Variants in AGTR1 observed in about 807,000 individuals in gnomAD.
AGTR1 encodes type-1 angiotensin II receptor.
In AGTR1, 16 loss-of-function variants were observed where a neutral mutation model predicts 19.4. The ratio of observed to expected loss-of-function variants is 0.82; its 90% CI spans 0.56 to 1.25. The LOEUF (loss-of-function observed/expected upper bound fraction) is 1.25. AGTR1 is among the 50% of genes most tolerant of loss of function. The pLI is 0.00. For missense variants in AGTR1, 373 were observed against 431.9 expected, an observed-to-expected ratio of 0.86 and a Z score of 1.21; for synonymous variants, 153 against 154.9, an observed-to-expected ratio of 0.99 and a Z score of 0.09.
intron 2 of AGTR1, among the ~76,000 whole-genome samples, chr3:148,734,523 G>A (rs995858213): frequency 3.4e-4 from 52 of 152,316 alleles, no homozygotes; most frequent in African/African-American, 1.1e-3. Context: ...ATATATCAGA[G>A]AGCCATTTAT....
At chr3:148,721,299 T>C (rs1223434336) in intron 2 of AGTR1, among the ~76,000 whole-genome samples, 2 of 152,170 alleles carry the variant, frequency 1.3e-5, no homozygotes, top group Admixed American at 6.5e-5. Context: ...CCTATATGAC[T>C]CCATCGATTA....
At chr3:148,736,435 T>C (rs1488707700) in intron 2 of AGTR1, among the ~76,000 whole-genome samples, 1 of 152,242 alleles carries the variant, frequency 6.6e-6, no homozygotes, top group African/African-American at 2.4e-5. Flanking sequence ...TAAACATTTT[T>C]CTTTACTCTC....
intron 1 of AGTR1, among the ~76,000 whole-genome samples, chr3:148,703,812 G>C (rs572913563): frequency 1.4e-5 from 2 of 138,302 alleles, no homozygotes; most frequent in African/African-American, 3.0e-5. Flanking sequence ...ATCAAAATCT[G>C]TTTCCCTCAT....
intron 2 of AGTR1, chr3:148,740,023 C>A (rs1309334475): frequency 1.7e-6 from 2 of 1,186,024 alleles, no homozygotes; most frequent in African/African-American, 3.2e-5. Flanking sequence ...TTATCCAGGG[C>A]AGAATGTGTT....
intron 2 of AGTR1, among the ~76,000 whole-genome samples, chr3:148,717,865 C>T (rs558275733): frequency 2.0e-5 from 3 of 152,314 alleles, no homozygotes; most frequent in Admixed American, 6.5e-5. Context: ...CAGTGTAAGA[C>T]ATTACTAAAA....
At chr3:148,708,616 GA>G (rs1204689725) in intron 2 of AGTR1, among the ~76,000 whole-genome samples, 1 of 152,310 alleles carries the variant, frequency 6.6e-6, no homozygotes, top group South Asian at 2.1e-4. Context: ...TTACAGGCAT[GA>G]GTCACATGGC....
intron 2 of AGTR1, among the ~76,000 whole-genome samples, chr3:148,726,613 T>C (rs551860396): frequency 6.6e-6 from 1 of 152,366 alleles, no homozygotes; most frequent in East Asian, 1.9e-4. Context: ...CATGATATCT[T>C]TTCACTCTTA....
intron 2 of AGTR1, among the ~76,000 whole-genome samples, chr3:148,714,995 C>A (rs941670106): frequency 2.0e-5 from 3 of 152,220 alleles, no homozygotes; most frequent in African/African-American, 4.8e-5. Context: ...CCACTGAGTG[C>A]AAAATGTCAT....
rs1397758938 is a variant in AGTR1 at position 148,741,390 on chromosome 3, C to T, written c.355C>T (p.Leu119Phe). The T allele has an allele frequency of 5.0e-6, 8 of 1,603,070 alleles. No individual in the cohort carries two copies. The highest frequency in any genetic ancestry group is 2.2e-5 in the East Asian group (1 of 44,808). ...SFNLYASVFL[L>F]TCLSIDRYLA... ...CAACCTGTACGCTAGTGTGTTTCTACTCACGTGTCTCAGCATTGATCGATA... is the reference window on the plus strand; with the variant it reads ...CAACCTGTACGCTAGTGTGTTTCTATTCACGTGTCTCAGCATTGATCGATA... Residue 119 changes from leucine to phenylalanine, a missense_variant, in exon 3 of 3, where the codon CTC becomes TTC. Leu to Phe is a conservative substitution (Grantham distance 22). Coordinates refer to ENST00000349243, the MANE Select transcript of AGTR1 (RefSeq NM_000685.5).
intron 2 of AGTR1, among the ~76,000 whole-genome samples, chr3:148,734,774 A>G (rs1714479286): frequency 6.6e-6 from 1 of 152,176 alleles, no homozygotes; most frequent in Admixed American, 6.5e-5. Context: ...GTGGTCTGCC[A>G]TGCTTCCCTC....
At chr3:148,698,569 C>A (rs1576519958) in intron 1 of AGTR1, among the ~76,000 whole-genome samples, 1 of 152,118 alleles carries the variant, frequency 6.6e-6, no homozygotes, top group Non-Finnish European at 1.5e-5. Flanking sequence ...GTGTCTCCAT[C>A]CACGCCCTCT....
At chr3:148,717,019 A>G (rs1713341984) in intron 2 of AGTR1, among the ~76,000 whole-genome samples, 1 of 152,116 alleles carries the variant, frequency 6.6e-6, no homozygotes, top group East Asian at 1.9e-4. Context: ...CATCTTTGAG[A>G]CTCTCCCAAG....
chr3:148,707,637 A>C (rs1299750637), intron 1 of AGTR1, among the ~76,000 whole-genome samples: 1 of 151,934 alleles, frequency 6.6e-6, no homozygotes, highest in Non-Finnish European at 1.5e-5. Flanking sequence ...TGTCTATAGA[A>C]AGAAATGGCT....
intron 1 of AGTR1, among the ~76,000 whole-genome samples, chr3:148,699,032 CCTGGGCCTCTT>C (rs1246324430): frequency 2.6e-5 from 4 of 152,112 alleles, no homozygotes; most frequent in Middle Eastern, 3.4e-3. Flanking sequence ...ATTGAGCCCA[CCTGGGCCTCTT>C]CTCTTTGTTT....
intron 2 of AGTR1, among the ~76,000 whole-genome samples, chr3:148,714,080 C>A (rs1033689880): frequency 1.3e-5 from 2 of 152,102 alleles, no homozygotes. Flanking sequence ...ATATTAAACA[C>A]TAGGTATTCC....
chr3:148,734,350 T>A (rs1176125814), intron 2 of AGTR1, among the ~76,000 whole-genome samples: 1 of 152,232 alleles, frequency 6.6e-6, no homozygotes, highest in Non-Finnish European at 1.5e-5. Flanking sequence ...GGAGGGCTAG[T>A]TGGAAATGAT....
intron 1 of AGTR1, among the ~76,000 whole-genome samples, chr3:148,704,945 T>G (rs1712582213): frequency 6.6e-6 from 1 of 152,170 alleles, no homozygotes. Context: ...AACATCTAAT[T>G]TGTAAGTTAT....
At chr3:148,713,451 T>C (rs911339731) in intron 2 of AGTR1, among the ~76,000 whole-genome samples, 3 of 152,110 alleles carry the variant, frequency 2.0e-5, no homozygotes, top group African/African-American at 7.2e-5. Context: ...TTTTACTCAA[T>C]ATGTATAATT....
intron 2 of AGTR1, among the ~76,000 whole-genome samples, chr3:148,708,774 C>T (rs3772629): frequency 0.43 from 65,972 of 152,078 alleles, 16,171 homozygotes; most frequent in African/African-American, 0.69. Context: ...GATTTCCCCA[C>T]GCCCCTCCTT....
Sources: allele counts gnomAD v4.1 joint callset (sites outside exome capture counted in the v4.1 genomes callset), GRCh38; gene constraint gnomAD v4.1.1; transcripts MANE v1.5; gene names NCBI Gene and HGNC (gene_info 2026-07-23, HGNC 2026-07-21).